The following CDH4 variants were observed in gnomAD, a reference collection of about 807,000 sequenced individuals.
CDH4 encodes cadherin 4, also known as cadherin-4.
A neutral mutation model predicts 86.0 loss-of-function variants in CDH4; 33 were observed. The observed-to-expected ratio is 0.38, with a 90% CI of 0.29 to 0.51. CDH4 has a LOEUF of 0.51. Among genes scored for constraint, CDH4 ranks in the 20% least tolerant of loss-of-function variants. CDH4 has a pLI of 0.86. For synonymous variants in CDH4, 555 were observed against 549.4 expected (o/e 1.01, Z -0.14); for missense variants, 1,114 against 1,307.4 (o/e 0.85, Z 2.28).
chr20:61,714,197 C>A (rs1182877855), intron 2 of CDH4, among the ~76,000 whole-genome samples: 1 of 152,040 alleles, frequency 6.6e-6, no homozygotes, highest in African/African-American at 2.4e-5. Context: ...CAGGCATCCG[C>A]CACCACGCCT....
At chr20:61,583,689 C>T (rs1207992464) in intron 2 of CDH4, among the ~76,000 whole-genome samples, 1 of 152,236 alleles carries the variant, frequency 6.6e-6, no homozygotes, top group African/African-American at 2.4e-5. Flanking sequence ...TTCGTTCCCT[C>T]CTCGTTTAAC....
chr20:61,425,131 C>T (rs921089149), intron 2 of CDH4, among the ~76,000 whole-genome samples: 3 of 152,164 alleles, frequency 2.0e-5, no homozygotes, highest in East Asian at 1.9e-4. Flanking sequence ...TGTGGCTCCG[C>T]GAGCGCCTTG....
chr20:61,478,856 C>T (rs867061609), intron 2 of CDH4, among the ~76,000 whole-genome samples: 3 of 152,238 alleles, frequency 2.0e-5, no homozygotes, highest in African/African-American at 4.8e-5. Context: ...GCTGTATCAC[C>T]CTCTGCCTGG....
At chr20:61,935,174 C>T (rs985565471) in intron 15 of CDH4, among the ~76,000 whole-genome samples, 1 of 152,122 alleles carries the variant, frequency 6.6e-6, no homozygotes, top group Non-Finnish European at 1.5e-5. Flanking sequence ...ATCACCTGCT[C>T]GCCGATGCCC....
chr20:61,644,659 G>C (rs1182698373), intron 2 of CDH4, among the ~76,000 whole-genome samples: 1 of 152,190 alleles, frequency 6.6e-6, no homozygotes, highest in African/African-American at 2.4e-5. Context: ...CACAACCAGG[G>C]CAAAGCCAGG....
rs2087872301 is a variant in CDH4 at position 61,709,975 on chromosome 20, T to TTGCCACCAA, written c.170-33587_170-33579dup. On this transcript the variant is annotated intron_variant, in intron 2 of 15. Transcript: ENST00000614565. The surrounding 1 kb of genome is among the most constrained non-coding windows in gnomAD (Gnocchi z 4.8). Reference sequence around the variant, plus strand: ...CCATCTGTGTGTTGTAGGGAAAAGTTTGCCACCAACAGCGAGTTTAAAACT... The same window carrying TTGCCACCAA: ...CCATCTGTGTGTTGTAGGGAAAAGTTTGCCACCAATGCCACCAACAGCGAGTTTAAAACT... Among the ~76,000 whole-genome samples the TTGCCACCAA allele has an allele frequency of 6.6e-6, 1 of 152,170 alleles. No individual in the cohort carries two copies. The highest frequency in any genetic ancestry group is 2.4e-5 in the African/African-American group (1 of 41,434).
intron 2 of CDH4, among the ~76,000 whole-genome samples, chr20:61,318,558 C>T (rs1320525954): frequency 6.6e-6 from 1 of 152,038 alleles, no homozygotes; most frequent in Non-Finnish European, 1.5e-5. Context: ...TTGCTGGAGG[C>T]TATGATGTGG....
At chr20:61,619,827 G>A (rs963331471) in intron 2 of CDH4, among the ~76,000 whole-genome samples, 12 of 152,372 alleles carry the variant, frequency 7.9e-5, no homozygotes, top group African/African-American at 1.7e-4. Context: ...GCACTCACTT[G>A]TCAGAGTTTG....
At chr20:61,747,926 A>C (rs544152402) in intron 3 of CDH4, among the ~76,000 whole-genome samples, 2 of 128,794 alleles carry the variant, frequency 1.6e-5, no homozygotes, top group East Asian at 4.3e-4. Flanking sequence ...TGTGAACTCT[A>C]TGCAGGAGAA....
chr20:61,614,584 G>A (rs927620600), intron 2 of CDH4, among the ~76,000 whole-genome samples: 35 of 152,222 alleles, frequency 2.3e-4, no homozygotes, highest in Middle Eastern at 6.8e-3. Flanking sequence ...TGGAGTCTGC[G>A]CTGACGTGGG....
chr20:61,880,359 C>T (rs1001563091), intron 7 of CDH4, among the ~76,000 whole-genome samples: 2 of 152,026 alleles, frequency 1.3e-5, no homozygotes, highest in Non-Finnish European at 2.9e-5. Flanking sequence ...TTGAAGACAC[C>T]GAATATGGCT....
rs537152790 is a variant in CDH4 at position 61,558,241 on chromosome 20, A to G, written c.170-185322A>G. Among the ~76,000 whole-genome samples, 6 of 152,276 alleles carry G rather than the reference A, an allele frequency of 3.9e-5. No individual in the cohort carries two copies. In the East Asian group the frequency reaches 5.8e-4, roughly 15 times the overall value. On this transcript the variant is annotated intron_variant, in intron 2 of 15. Transcript: ENST00000614565. ...TTCTTATCTATGTTCAAGATAGAGA[A>G]TACTCAAGAATTCACACCAAGAACC...
At chr20:61,276,575 G>A (rs887279565) in intron 2 of CDH4, among the ~76,000 whole-genome samples, 62 of 152,202 alleles carry the variant, frequency 4.1e-4, no homozygotes, top group Admixed American at 1.3e-4. Flanking sequence ...TGACAGGGCC[G>A]TGCCTGGCAT....
At chr20:61,383,678 ATG>A (rs2084931556) in intron 2 of CDH4, among the ~76,000 whole-genome samples, 1 of 116,784 alleles carries the variant, frequency 8.6e-6, no homozygotes, top group Non-Finnish European at 1.7e-5. Flanking sequence ...ATATATATGA[ATG>A]TATATGATAT....
intron 2 of CDH4, among the ~76,000 whole-genome samples, chr20:61,530,584 C>T (rs2085944443): frequency 6.6e-6 from 1 of 152,138 alleles, no homozygotes; most frequent in East Asian, 1.9e-4. Flanking sequence ...AAAGCCAGAG[C>T]AAGCCAGGGA....
intron 2 of CDH4, among the ~76,000 whole-genome samples, chr20:61,665,615 CCA>C (rs2087314299): frequency 6.6e-6 from 1 of 152,198 alleles, no homozygotes; most frequent in African/African-American, 2.4e-5. Flanking sequence ...CCTGGAGCAT[CCA>C]CCAGCAGCGC....
chr20:61,574,052 C>G (rs573185731), intron 2 of CDH4, among the ~76,000 whole-genome samples: 1 of 152,194 alleles, frequency 6.6e-6, no homozygotes, highest in Non-Finnish European at 1.5e-5. Flanking sequence ...TTCTGGCCAG[C>G]GAGGACCCAC....
chr20:61,430,353 C>G (rs537595029), intron 2 of CDH4, among the ~76,000 whole-genome samples: 1 of 152,196 alleles, frequency 6.6e-6, no homozygotes, highest in Non-Finnish European at 1.5e-5. Flanking sequence ...CTGCACTCAG[C>G]TTTGACGCCC....
intron 2 of CDH4, among the ~76,000 whole-genome samples, chr20:61,520,925 AGTGCAGCTCTGCGGGG>A (rs1056970573): frequency 2.0e-5 from 3 of 152,184 alleles, no homozygotes; most frequent in Non-Finnish European, 4.4e-5. Flanking sequence ...AACCCAGGTC[AGTGCAGCTCTGCGGGG>A]GTGCAGCTCC....
Sources: gnomAD v4.1 joint callset for allele counts (sites outside exome capture counted in the v4.1 genomes callset) on GRCh38, gnomAD v4.1.1 for gene constraint, Gnocchi (gnomAD v3.1) non-coding constraint, MANE v1.5 for transcripts, NCBI Gene and HGNC (gene_info 2026-07-23, HGNC 2026-07-21) for gene names.